The following ANKRD31 variants were observed in gnomAD, a reference collection of about 807,000 sequenced individuals.
The protein encoded by ANKRD31 is ankyrin repeat domain-containing protein 31.
Under a neutral mutation model 186.0 loss-of-function variants are expected in ANKRD31, and 147 were observed. The observed-to-expected ratio is 0.79, with a 90% CI of 0.69 to 0.91. The LOEUF (loss-of-function observed/expected upper bound fraction) is 0.91, where lower values mean the gene tolerates loss of function less well. Ranked by LOEUF, ANKRD31 falls within the 40% of genes least tolerant of loss-of-function variation. The probability of loss-of-function intolerance (pLI) is 0.00; values close to 1 mark genes in which losing one functional copy is unlikely to be tolerated. For synonymous variants in ANKRD31, 673 were observed against 736.4 expected (o/e 0.91, Z 1.39); for missense variants, 1,986 against 2,148.8 (o/e 0.92, Z 1.50).
intron 9 of ANKRD31, among the ~76,000 whole-genome samples, chr5:75,190,359 TAGTC>T (rs1008553670): frequency 2.0e-5 from 3 of 152,172 alleles, no homozygotes; most frequent in Non-Finnish European, 4.4e-5. Flanking sequence ...GAAGGATACT[TAGTC>T]TAATTTTCTG....
intron 23 of ANKRD31, 140 bp downstream of exon 23, chr5:75,091,121 T>C (rs1172421195): frequency 2.3e-6 from 2 of 853,718 alleles, no homozygotes; most frequent in Non-Finnish European, 1.7e-6. Context: ...ATGATATGCA[T>C]ACAGCATATA....
rs1246501133 is a variant in ANKRD31 at position 75,236,565 on chromosome 5, G to A, written c.104+18C>T. On this transcript the variant is annotated intron_variant, in intron 1 of 25. Coordinates refer to ENST00000506364, the MANE Select transcript of ANKRD31 (RefSeq NM_001372053.1). ...CCTGGCGCGAGGGTTCAGGCACTGT[G>A]GCCCTAATGATGGTCACCTTCTCCA... 1.0e-5 allele frequency: 16 copies of A among 1,534,272 alleles called. No homozygotes were observed. In the East Asian group the frequency reaches 2.9e-4, roughly 28 times the overall value.
At chr5:75,148,545 TA>T in intron 13 of ANKRD31, 30 bp downstream of exon 13, 1 of 1,433,844 alleles carries the variant, frequency 7.0e-7, no homozygotes, top group Non-Finnish European at 9.3e-7. Flanking sequence ...TACATCCCTA[TA>T]AAAATGTTTA....
chr5:75,226,250 G>A (rs1263492886), intron 2 of ANKRD31, among the ~76,000 whole-genome samples: 1 of 152,198 alleles, frequency 6.6e-6, no homozygotes, highest in African/African-American at 2.4e-5. Flanking sequence ...GTACTGAAGG[G>A]AAGGACACAA....
At chr5:75,108,364 C>T (rs533888218) in intron 20 of ANKRD31, among the ~76,000 whole-genome samples, 1 of 152,130 alleles carries the variant, frequency 6.6e-6, no homozygotes, top group East Asian at 1.9e-4. Context: ...TCTTCCTTTG[C>T]TTTCCAAGTA....
intron 11 of ANKRD31, among the ~76,000 whole-genome samples, chr5:75,163,905 T>C (rs1195656376): frequency 6.6e-6 from 1 of 152,212 alleles, no homozygotes. Flanking sequence ...GGCTTTAAAA[T>C]ATGTCTGTAA....
chr5:75,156,260 T>C (rs552408584), intron 11 of ANKRD31, among the ~76,000 whole-genome samples: 5 of 152,270 alleles, frequency 3.3e-5, no homozygotes, highest in African/African-American at 1.2e-4. Flanking sequence ...AATAACTAGG[T>C]GGTCTTGGGT....
intron 17 of ANKRD31, among the ~76,000 whole-genome samples, chr5:75,132,318 C>G (rs559738729): frequency 8.5e-5 from 13 of 152,096 alleles, no homozygotes; most frequent in Non-Finnish European, 1.6e-4. Context: ...TAGAGAAGAC[C>G]TTAAATAACC....
Position 75,120,990 on chromosome 5 carries a change from C to A in ANKRD31, c.3877-2693G>T, listed in dbSNP as rs560395182. Among the ~76,000 whole-genome samples, 3 of 152,166 alleles carry A rather than the reference C, an allele frequency of 2.0e-5. No homozygotes were observed. The East Asian group carries it at 5.8e-4, about 29-fold the overall frequency. Reference sequence around the variant, plus strand: ...ATTAGGTCAGGAGTTTGAGACCAGCCTGACCAACATGGTAAAACCCCGTCT... The same window carrying A: ...ATTAGGTCAGGAGTTTGAGACCAGCATGACCAACATGGTAAAACCCCGTCT... On this transcript the variant is annotated intron_variant, in intron 17 of 25. Transcript: ENST00000506364.
At chr5:75,224,129 T>TTATATATATATATA (rs148986776) in intron 2 of ANKRD31, among the ~76,000 whole-genome samples, 4 of 105,770 alleles carry the variant, frequency 3.8e-5, no homozygotes, top group Non-Finnish European at 5.7e-5. Context: ...TCAGAAATAA[T>TTATATATATATATA]TATATATATA....
intron 11 of ANKRD31, among the ~76,000 whole-genome samples, chr5:75,166,616 A>G (rs561531072): frequency 6.6e-6 from 1 of 152,216 alleles, no homozygotes; most frequent in South Asian, 2.1e-4. Flanking sequence ...CATCCCATAC[A>G]CTCACAGATT....
At position 75,224,129 on chromosome 5, in the gene ANKRD31, T is replaced by TTATTTATA. The variant is rs1757468518; in HGVS notation, c.179-1772_179-1771insTATAAATA. On this transcript the variant is annotated intron_variant, in intron 2 of 25. Coordinates refer to ENST00000506364, the MANE Select transcript of ANKRD31 (RefSeq NM_001372053.1). ...AAAGGAAGAGATCTCTCAGAAATAA[T>TTATTTATA]TATATATATATATATATATATATAT... Among the ~76,000 whole-genome samples the TTATTTATA allele has an allele frequency of 8.6e-4, 91 of 105,762 alleles. 4 individuals carry two copies. The highest frequency in any genetic ancestry group is 1.1e-3 in the Non-Finnish European group (56 of 52,612). 69.4% of individuals were successfully genotyped at this position (105,762 alleles called of 152,430 possible). A position where few individuals can be genotyped will look rare whatever the true frequency, so the allele number is the denominator to read the frequency against.
At chr5:75,074,342 T>G (rs1744462742) in intron 25 of ANKRD31, among the ~76,000 whole-genome samples, 1 of 152,324 alleles carries the variant, frequency 6.6e-6, no homozygotes, top group East Asian at 1.9e-4. Flanking sequence ...CCTTCTCCTC[T>G]ACTGCACTAG....
At chr5:75,137,303 T>C (rs1468510037) in intron 17 of ANKRD31, among the ~76,000 whole-genome samples, 1 of 152,084 alleles carries the variant, frequency 6.6e-6, no homozygotes. Flanking sequence ...GAAAGATGAG[T>C]GTAAACATCT....
intron 10 of ANKRD31, 83 bp from the exon 11 acceptor site, chr5:75,169,204 T>TCAATGAGACATAAAA: frequency 7.1e-7 from 1 of 1,417,612 alleles, no homozygotes; most frequent in South Asian, 1.4e-5. Flanking sequence ...ACAACTTTGA[T>TCAATGAGACATAAAA]TCTAAGTTCT....
intron 17 of ANKRD31, among the ~76,000 whole-genome samples, chr5:75,126,014 T>C (rs1215226266): frequency 6.6e-6 from 1 of 152,240 alleles, no homozygotes; most frequent in East Asian, 1.9e-4. Context: ...CAAGACTCTT[T>C]GGTCTCTGGG....
chr5:75,091,207 T>TATGTAC, intron 23 of ANKRD31, 54 bp downstream of exon 23: 1 of 1,485,132 alleles, frequency 6.7e-7, no homozygotes, highest in Non-Finnish European at 8.9e-7. Flanking sequence ...ATCACAAAAA[T>TATGTAC]ATGTACTTTT....
Position 75,105,082 on chromosome 5 carries a change from T to C in ANKRD31, c.4477A>G (p.Thr1493Ala). Residue 1493 changes from threonine to alanine, a missense_variant, in exon 22 of 26, where the codon ACA becomes GCA. Transcript: ENST00000506364. ...CTTAAACTAAGACAAGGCAATGATG[T>C]AACATTCCTACAGTTTTGAATTTTC... is the stretch of plus-strand genomic sequence containing the variant. ...SLKIQNCRNVTSLPCLSLRKL... is the reference protein window; with the variant it reads ...SLKIQNCRNVASLPCLSLRKL... 6.5e-7 allele frequency: 1 copy of C among 1,537,134 alleles called. No individual in the cohort carries two copies. The highest frequency in any genetic ancestry group is 1.2e-5 in the South Asian group (1 of 84,032).
chr5:75,195,685 T>G lies in ANKRD31; in HGVS notation c.963A>C (p.Leu321Phe). The G allele has an allele frequency of 4.6e-6, 7 of 1,537,354 alleles. No homozygotes were observed. Among genetic ancestry groups the G allele is most frequent in the Non-Finnish European group, 6.1e-6 (7 of 1,146,780 alleles). Residue 321 changes from leucine to phenylalanine, a missense_variant, in exon 7 of 26, where the codon TTA (leucine) becomes TTC (phenylalanine). Leu to Phe is a conservative substitution (Grantham distance 22). Coordinates refer to ENST00000506364, the MANE Select transcript of ANKRD31 (RefSeq NM_001372053.1). ...GSSLIARNEC[L>F]EVEFNTSQTN... is the part of the protein sequence containing the mutation. ...TCTGAGACGTATTGAACTCCACTTCTAAACATTCATTTCTGGCAATGAGAC... is the reference window on the plus strand; with the variant it reads ...TCTGAGACGTATTGAACTCCACTTCGAAACATTCATTTCTGGCAATGAGAC...
Sources: allele counts gnomAD v4.1 joint callset (sites outside exome capture counted in the v4.1 genomes callset), GRCh38; gene constraint gnomAD v4.1.1; transcripts MANE v1.5; gene names NCBI Gene and HGNC (gene_info 2026-07-23, HGNC 2026-07-21).